PARD3B: variants seen among roughly 807,000 people sequenced by gnomAD.
The protein encoded by PARD3B is par-3 family cell polarity regulator beta.
A neutral mutation model predicts 130.2 loss-of-function variants in PARD3B; 103 were observed. The observed-to-expected ratio is 0.79, with a 90% confidence interval of 0.67 to 0.93. The LOEUF (loss-of-function observed/expected upper bound fraction) is 0.93. PARD3B is among the 40% of genes least tolerant of loss of function. PARD3B has a pLI of 0.00. For missense variants in PARD3B, 1,609 were observed against 1,499.2 expected, an observed-to-expected ratio of 1.07 and a Z score of -1.21; for synonymous variants, 583 against 553.2, an observed-to-expected ratio of 1.05 and a Z score of -0.76.
At chr2:205,097,430 G>A (rs532011821) in intron 4 of PARD3B, among the ~76,000 whole-genome samples, 2 of 152,228 alleles carry the variant, frequency 1.3e-5, no homozygotes, top group South Asian at 4.1e-4. Flanking sequence ...AGTTTCCTTA[G>A]CTATAAAATG....
intron 1 of PARD3B, among the ~76,000 whole-genome samples, chr2:204,620,556 C>G (rs1389583428): frequency 1.3e-5 from 2 of 152,152 alleles, no homozygotes; most frequent in South Asian, 2.1e-4. Context: ...TACCTATGAA[C>G]AGGGCCGTTA....
intron 18 of PARD3B, among the ~76,000 whole-genome samples, chr2:205,320,740 C>G (rs375126982): frequency 2.0e-5 from 3 of 152,146 alleles, no homozygotes; most frequent in African/African-American, 7.2e-5. Context: ...CATTTTAAGT[C>G]AAAATTATTA....
intron 2 of PARD3B, among the ~76,000 whole-genome samples, chr2:204,750,697 G>T (rs954962203): frequency 6.6e-6 from 1 of 151,994 alleles, no homozygotes; most frequent in African/African-American, 2.4e-5. Context: ...CCTAGTAAAG[G>T]GGGTGGGGCT....
At position 204,721,701 on chromosome 2, in the gene PARD3B, G is replaced by T. The variant is rs1474152715; in HGVS notation, c.222+35419G>T. On this transcript the variant is annotated intron_variant, in intron 2 of 22. Transcript: ENST00000406610. ...AAAGAAACTTGATAAAAATGGCAAA[G>T]GTATTTTAGTAGTCAGTATCCTTTT... 5.3e-5 allele frequency among the ~76,000 whole-genome samples: 8 copies of T among 152,040 alleles called. No homozygotes were observed. In the East Asian group the frequency reaches 1.4e-3, roughly 26 times the overall value.
chr2:205,504,884 T>G (rs2050291773), intron 21 of PARD3B, among the ~76,000 whole-genome samples: 1 of 152,226 alleles, frequency 6.6e-6, no homozygotes, highest in Admixed American at 6.5e-5. Flanking sequence ...GCCATCCCAT[T>G]ACTGGGTATA....
At chr2:204,702,060 C>G (rs569378007) in intron 2 of PARD3B, among the ~76,000 whole-genome samples, 1 of 152,100 alleles carries the variant, frequency 6.6e-6, no homozygotes, top group Non-Finnish European at 1.5e-5. Context: ...CATGTTGCTG[C>G]GAAGGACATG....
Position 204,560,633 on chromosome 2 carries a change from G to A in PARD3B, c.120+14514G>A, listed in dbSNP as rs141542772. Among the ~76,000 whole-genome samples, 1,312 of 152,260 alleles carry A rather than the reference G, an allele frequency of 8.6e-3. 19 individuals are homozygous for A. The highest frequency in any genetic ancestry group is 0.03 in the African/African-American group (1,229 of 41,534). ...GAAGGTAAACATGTATGTTTTGTTT[G>A]AAGGAGGAGGTTGGGGAGAAGAGGA... On this transcript the variant is annotated intron_variant, in intron 1 of 22. Coordinates refer to ENST00000406610, the MANE Select transcript of PARD3B (RefSeq NM_001302769.2).
At chr2:204,713,722 G>A (rs1184452848) in intron 2 of PARD3B, among the ~76,000 whole-genome samples, 1 of 152,116 alleles carries the variant, frequency 6.6e-6, no homozygotes, top group East Asian at 1.9e-4. Context: ...GTTGTAGCAT[G>A]TGCCAGGATT....
chr2:204,935,374 A>C (rs1404513273), intron 2 of PARD3B, among the ~76,000 whole-genome samples: 1 of 54,472 alleles, frequency 1.8e-5, no homozygotes, highest in Non-Finnish European at 6.0e-5. Flanking sequence ...CTAAAAATAC[A>C]AAAAAAAAAA....
chr2:205,291,078 A>G lies in PARD3B; in HGVS notation c.2186-9452A>G, dbSNP rs1402777868. 6.6e-6 allele frequency among the ~76,000 whole-genome samples: 1 copy of G among 152,192 alleles called. No homozygotes were observed. Among genetic ancestry groups the G allele is most frequent in the Non-Finnish European group, 1.5e-5 (1 of 68,032 alleles). Reference sequence around the variant, plus strand: ...AATTGGTACCAAGAAGTAAAATGACACTATAACAAATACCTAAAAATATGG... The same window carrying G: ...AATTGGTACCAAGAAGTAAAATGACGCTATAACAAATACCTAAAAATATGG... On this transcript the variant is annotated intron_variant, in intron 16 of 22. Transcript: ENST00000406610. The surrounding 1 kb of genome is among the most constrained non-coding windows in gnomAD (Gnocchi z 4.6).
chr2:204,853,320 C>T (rs972008232), intron 2 of PARD3B, among the ~76,000 whole-genome samples: 17 of 152,068 alleles, frequency 1.1e-4, no homozygotes, highest in Non-Finnish European at 1.9e-4. Flanking sequence ...CTTAGGGAGT[C>T]AAGGAAGTCG....
In PARD3B at chr2:205,615,541, G is replaced by A. The variant is rs1042764963; in HGVS notation, c.3346G>A (p.Ala1116Thr). 2 of 1,614,084 alleles carry A rather than the reference G, an allele frequency of 1.2e-6. No individual in the cohort carries two copies. The highest frequency in any genetic ancestry group is 1.7e-5 in the Admixed American group (1 of 60,006). Residue 1116 changes from alanine to threonine, a missense_variant, in exon 23 of 23, where the codon GCT (alanine) becomes ACT (threonine). Physicochemically the swap from Ala to Thr is moderately conservative, Grantham distance 58. Transcript: ENST00000406610. ...AAGGGAGCTTCCCTATTATCCAGGG[G>A]CTCATCCTATGCACCCTCCCAAAGG... Reference protein sequence around the residue: ...KERELPYYPGAHPMHPPKGSY... With the variant: ...KERELPYYPGTHPMHPPKGSY...
In PARD3B at chr2:205,300,855, A is replaced by C. The variant is rs2041971883; in HGVS notation, c.2392+119A>C. On this transcript the variant is annotated intron_variant, in intron 17 of 22. Transcript: ENST00000406610. The surrounding 1 kb of genome is among the most constrained non-coding windows in gnomAD (Gnocchi z 4.1). ...TTTAAGGATCACAATTATATTTTTG[A>C]TATTAAAAGTAATTCATTTTCCTGA... The C allele has an allele frequency of 1.0e-5, 11 of 1,091,048 alleles. No individual in the cohort carries two copies. Among genetic ancestry groups the C allele is most frequent in the Non-Finnish European group, 9.0e-6 (7 of 780,388 alleles). The allele number at this position is 1,091,048 out of a possible 1,614,324, so 67.6% of individuals were successfully genotyped here.
intron 2 of PARD3B, among the ~76,000 whole-genome samples, chr2:204,849,822 G>C (rs893092500): frequency 6.6e-6 from 1 of 151,978 alleles, no homozygotes; most frequent in African/African-American, 2.4e-5. Flanking sequence ...AGCTGGCCTA[G>C]GTAATCATTG....
chr2:205,478,281 CTGTG>C (rs2106280013), intron 20 of PARD3B, among the ~76,000 whole-genome samples: 1 of 152,344 alleles, frequency 6.6e-6, no homozygotes, highest in African/African-American at 2.4e-5. Flanking sequence ...GAAAACCTGT[CTGTG>C]TGTCTCTCCT....
At chr2:205,431,266 G>T (rs1248673183) in intron 19 of PARD3B, among the ~76,000 whole-genome samples, 1 of 151,938 alleles carries the variant, frequency 6.6e-6, no homozygotes, top group Non-Finnish European at 1.5e-5. Flanking sequence ...TAGTAGAGAT[G>T]GGGTTTCACC....
In PARD3B at chr2:205,230,815, G is replaced by A. The variant is rs1297016578; in HGVS notation, c.2141-14963G>A. ...GGCAGAACTCAGGTTCTGACTGCTGGGATGGGCAATTTCCCTCTGGCTAGG... is the reference window on the plus strand; with the variant it reads ...GGCAGAACTCAGGTTCTGACTGCTGAGATGGGCAATTTCCCTCTGGCTAGG... On this transcript the variant is annotated intron_variant, in intron 15 of 22. Coordinates refer to ENST00000406610, the MANE Select transcript of PARD3B (RefSeq NM_001302769.2). The surrounding 1 kb of genome is among the most constrained non-coding windows in gnomAD (Gnocchi z 4.1). Among the ~76,000 whole-genome samples, 1 of 152,098 alleles carries A rather than the reference G, an allele frequency of 6.6e-6. No homozygotes were observed. The highest frequency in any genetic ancestry group is 1.9e-4 in the East Asian group (1 of 5,178).
At position 205,121,477 on chromosome 2, in the gene PARD3B, G is replaced by A. The variant is rs985921510; in HGVS notation, c.807-114G>A. On this transcript the variant is annotated intron_variant, in intron 7 of 22. Transcript: ENST00000406610. The surrounding 1 kb of genome is among the most constrained non-coding windows in gnomAD (Gnocchi z 5.0). Reference sequence around the variant, plus strand: ...AGTCATTCTGATAGGAATATTGATCGTGTCTCCTATGATTAGCCACTGTGC... The same window carrying A: ...AGTCATTCTGATAGGAATATTGATCATGTCTCCTATGATTAGCCACTGTGC... 2.8e-5 allele frequency: 24 copies of A among 864,162 alleles called. No homozygotes were observed. Among genetic ancestry groups the A allele is most frequent in the African/African-American group, 1.0e-4 (6 of 59,326 alleles). The allele number at this position is 864,162 out of a possible 1,614,324, so 53.5% of individuals were successfully genotyped here.
At chr2:205,354,072 G>T (rs1574784975) in intron 18 of PARD3B, among the ~76,000 whole-genome samples, 1 of 109,924 alleles carries the variant, frequency 9.1e-6, no homozygotes, top group Non-Finnish European at 1.7e-5. Context: ...TTGCTCTGTT[G>T]CCCAGGCTGG....
Sources: allele counts gnomAD v4.1 joint callset (sites outside exome capture counted in the v4.1 genomes callset), GRCh38; gene constraint gnomAD v4.1.1; non-coding constraint Gnocchi (gnomAD v3.1); transcripts MANE v1.5; gene names NCBI Gene and HGNC (gene_info 2026-07-23, HGNC 2026-07-21).